MYH14: variants seen among roughly 807,000 people sequenced by gnomAD.
MYH14 encodes the protein myosin heavy chain 14.
In MYH14, 123 loss-of-function variants were observed where a neutral mutation model predicts 255.5. That is an observed-to-expected ratio of 0.48 (90% CI 0.42 to 0.56). MYH14 has a LOEUF of 0.56. Among genes scored for constraint, MYH14 ranks in the 20% least tolerant of loss-of-function variants. MYH14 has a pLI of 0.00. For missense variants in MYH14, 2,423 were observed against 2,802.3 expected (o/e 0.86, Z 3.06); for synonymous variants, 1,095 against 1,161.2 (o/e 0.94, Z 1.16).
intron 23 of MYH14, 70 bp from the exon 24 acceptor site, chr19:50,268,091 A>G: frequency 6.7e-7 from 1 of 1,502,028 alleles, no homozygotes; most frequent in Non-Finnish European, 8.9e-7. Context: ...GTTACAAGGC[A>G]GTAGGCACCC....
intron 24 of MYH14, among the ~76,000 whole-genome samples, chr19:50,270,517 G>A (rs1364862166): frequency 3.5e-5 from 4 of 114,076 alleles, no homozygotes; most frequent in African/African-American, 1.0e-4. Context: ...GCAAAACTCC[G>A]TCTCAAAAAA....
At chr19:50,302,547 C>T (rs1415724482) in intron 40 of MYH14, among the ~76,000 whole-genome samples, 2 of 150,576 alleles carry the variant, frequency 1.3e-5, no homozygotes, top group Non-Finnish European at 3.0e-5. Context: ...TGCGCCACTG[C>T]CCTCCAGCCT....
rs942960468 is a variant in MYH14 at position 50,210,140 on chromosome 19, C to G, written c.-3-223C>G. Among the ~76,000 whole-genome samples, 20 of 142,124 alleles carry G rather than the reference C, an allele frequency of 1.4e-4. No individual in the cohort carries two copies. In the East Asian group the frequency reaches 2.9e-3, roughly 20 times the overall value. The allele number at this position is 142,124 out of a possible 152,430, so 93.2% of individuals were successfully genotyped here. On this transcript the variant is annotated intron_variant, in intron 1 of 42. Coordinates refer to ENST00000642316, the MANE Select transcript of MYH14 (RefSeq NM_001145809.2). ...AAAAAAAAAAAAAAGAACTGACCCTCTGAGCCTGGTTCACAGCCTAGCTTA... is the reference window on the plus strand; with the variant it reads ...AAAAAAAAAAAAAAGAACTGACCCTGTGAGCCTGGTTCACAGCCTAGCTTA...
At chr19:50,281,949 G>A (rs1601017924) in intron 33 of MYH14, 107 bp downstream of exon 33, 1 of 1,228,452 alleles carries the variant, frequency 8.1e-7, no homozygotes, top group Non-Finnish European at 1.1e-6. Context: ...CAACTAGGCA[G>A]TTGTAGTGGA....
rs763658984 is a variant in MYH14 at position 50,293,906 on chromosome 19, A to G, written c.5469+219A>G. 2.6e-5 allele frequency among the ~76,000 whole-genome samples: 4 copies of G among 152,178 alleles called. No individual in the cohort carries two copies. Among genetic ancestry groups the G allele is most frequent in the Admixed American group, 6.5e-5 (1 of 15,274 alleles). ...AGATGAATTATGTGGGGAAACAGAC[A>G]TGGGCCAGCAAGTGTGATCATGGAA... On this transcript the variant is annotated intron_variant, in intron 39 of 42. Coordinates refer to ENST00000642316, the MANE Select transcript of MYH14 (RefSeq NM_001145809.2). The surrounding 1 kb of genome is among the most constrained non-coding windows in gnomAD (Gnocchi z 4.1).
intron 10 of MYH14, among the ~76,000 whole-genome samples, chr19:50,239,790 C>T (rs2033817820): frequency 6.6e-6 from 1 of 152,106 alleles, no homozygotes; most frequent in Non-Finnish European, 1.5e-5. Flanking sequence ...ACCTCGTGAT[C>T]TGCCCGCCTC....
chr19:50,215,463 C>T (rs2032427763), intron 2 of MYH14, among the ~76,000 whole-genome samples: 1 of 152,160 alleles, frequency 6.6e-6, no homozygotes, highest in Admixed American at 6.5e-5. Flanking sequence ...CACCTGGGAC[C>T]AGGCAGCCTG....
chr19:50,279,847 A>G (rs1194022094), intron 30 of MYH14, among the ~76,000 whole-genome samples, 190 bp from the exon 31 acceptor site: 1 of 152,152 alleles, frequency 6.6e-6, no homozygotes, highest in Non-Finnish European at 1.5e-5. Flanking sequence ...TCTTTTGGGT[A>G]TGCACCTAGG....
rs1447051643 is a variant in MYH14 at position 50,261,647 on chromosome 19, C to T, written c.2585+12C>T. 12 of 1,586,548 alleles carry T rather than the reference C, an allele frequency of 7.6e-6. No homozygotes were observed. Among genetic ancestry groups the T allele is most frequent in the East Asian group, 2.3e-5 (1 of 42,894 alleles). The stretch of plus-strand genomic sequence containing the variant: ...TACCTGGCTCGCAGGTGGGCAGCCA[C>T]GCTGTCTCCCGGGGTCCTGTTGGCC... On this transcript the variant is annotated intron_variant, in intron 21 of 42. Coordinates refer to ENST00000642316, the MANE Select transcript of MYH14 (RefSeq NM_001145809.2).
In MYH14 at chr19:50,278,077, C is replaced by T. The variant is rs538810941; in HGVS notation, c.3826-6C>T. On this transcript the variant is annotated splice_polypyrimidine_tract_variant and splice_region_variant and intron_variant, in intron 29 of 42. Transcript: ENST00000642316. ...TAGATCTTTGCTCATCTCCTTCCCACACCAGGGCAAAGGTGCATGGGAGAA... is the reference window on the plus strand; with the variant it reads ...TAGATCTTTGCTCATCTCCTTCCCATACCAGGGCAAAGGTGCATGGGAGAA... 4 of 1,548,182 alleles carry T rather than the reference C, an allele frequency of 2.6e-6. No individual in the cohort carries two copies. Among genetic ancestry groups the T allele is most frequent in the African/African-American group, 1.4e-5 (1 of 73,716 alleles).
intron 18 of MYH14, among the ~76,000 whole-genome samples, chr19:50,257,915 A>G (rs1220554684): frequency 6.6e-6 from 1 of 152,136 alleles, no homozygotes; most frequent in Non-Finnish European, 1.5e-5. Context: ...AGGATACGTG[A>G]TATTCCAGGC....
chr19:50,217,601 C>G lies in MYH14; in HGVS notation c.406-14C>G, dbSNP rs779202397. 14 of 1,614,040 alleles carry G rather than the reference C, an allele frequency of 8.7e-6. No homozygotes were observed. The Admixed American group carries it at 1.7e-4, about 19-fold the overall frequency. ...GCAGCCATCTGAGACCCTCTCCCCT[C>G]TCACCCACTGCAGACGTACTCCGGC... is the stretch of plus-strand genomic sequence containing the variant. On this transcript the variant is annotated splice_polypyrimidine_tract_variant and intron_variant, in intron 2 of 42. Transcript: ENST00000642316.
At chr19:50,301,640 T>C in intron 39 of MYH14, 21 bp from the exon 40 acceptor site, 1 of 1,599,550 alleles carries the variant, frequency 6.3e-7, no homozygotes, top group African/African-American at 1.3e-5. Context: ...CATGACATCC[T>C]TCCTTCCCCT....
intron 23 of MYH14, among the ~76,000 whole-genome samples, chr19:50,267,719 G>A (rs34714925): frequency 6.6e-6 from 1 of 152,058 alleles, no homozygotes; most frequent in African/African-American, 2.4e-5. Flanking sequence ...TTACATTTTA[G>A]GTATGAAATG....
intron 10 of MYH14, among the ~76,000 whole-genome samples, chr19:50,237,533 G>C (rs2033713536): frequency 6.6e-6 from 1 of 152,070 alleles, no homozygotes; most frequent in Non-Finnish European, 1.5e-5. Flanking sequence ...TCACCGTGTT[G>C]GCCAGGCTGG....
In MYH14 at chr19:50,217,699, G is replaced by A. The variant is rs746931725; in HGVS notation, c.490G>A (p.Gly164Ser). ...AGAAGCCATTGTGGAGATGTACCGG[G>A]GCAAGAAGCGCCACGAGGTGCCACC... Reference protein sequence around the residue: ...YTEAIVEMYRGKKRHEVPPHV... With the variant: ...YTEAIVEMYRSKKRHEVPPHV... The change falls in exon 3 of 43, where the codon GGC (glycine) becomes AGC (serine). Residue 164 changes from glycine to serine, a missense_variant. Physicochemically the swap from Gly to Ser is moderately conservative, Grantham distance 56. This residue lies in a region of MYH14 where 238 missense variants were observed against 245.8 expected (regional missense o/e 0.97). Coordinates refer to ENST00000642316, the MANE Select transcript of MYH14 (RefSeq NM_001145809.2). 6.2e-7 allele frequency: 1 copy of A among 1,613,982 alleles called. No individual in the cohort carries two copies. Among genetic ancestry groups the A allele is most frequent in the Non-Finnish European group, 8.5e-7 (1 of 1,179,902 alleles).
At chr19:50,242,196 C>T (rs1408601928) in intron 10 of MYH14, among the ~76,000 whole-genome samples, 1 of 152,184 alleles carries the variant, frequency 6.6e-6, no homozygotes, top group African/African-American at 2.4e-5. Context: ...TTCTAGGGGG[C>T]AGCACTACCC....
intron 12 of MYH14, 104 bp downstream of exon 12, chr19:50,247,226 C>T: frequency 5.1e-6 from 4 of 787,434 alleles, no homozygotes; most frequent in Non-Finnish European, 8.5e-6. Context: ...CAGACTTTTG[C>T]TGAGTGCCCG....
intron 13 of MYH14, 135 bp from the exon 14 acceptor site, chr19:50,249,515 G>A (rs2034276208): frequency 1.1e-6 from 1 of 944,530 alleles, no homozygotes; most frequent in Non-Finnish European, 1.6e-6. Context: ...CTCTCTCTGG[G>A]TCTCTGTCCC....
Sources: gnomAD v4.1 joint callset for allele counts (sites outside exome capture counted in the v4.1 genomes callset) on GRCh38, gnomAD v4.1.1 for gene constraint, gnomAD v4.1.1 regional missense constraint, Gnocchi (gnomAD v3.1) non-coding constraint, MANE v1.5 for transcripts, NCBI Gene and HGNC (gene_info 2026-07-23, HGNC 2026-07-21) for gene names.